ZDHHC15: variants seen among roughly 807,000 people sequenced by gnomAD.
ZDHHC15 encodes zDHHC palmitoyltransferase 15.
ZDHHC15 carries 19 observed loss-of-function variants against 31.7 expected under a neutral mutation model. The ratio of observed to expected loss-of-function variants is 0.60; its 90% confidence interval spans 0.42 to 0.88. ZDHHC15 has a LOEUF of 0.88. Ranked by LOEUF, ZDHHC15 falls within the 40% of genes least tolerant of loss-of-function variation. ZDHHC15 has a pLI of 0.00. For synonymous variants in ZDHHC15, 103 were observed against 90.0 expected, an observed-to-expected ratio of 1.14 and a Z score of -0.82; for missense variants, 209 against 251.2, an observed-to-expected ratio of 0.83 and a Z score of 1.14.
intron 1 of ZDHHC15, among the ~76,000 whole-genome samples, chrX:75,509,084 C>A (rs1189384877): frequency 7.2e-5 from 8 of 111,058 alleles, no homozygotes; most frequent in African/African-American, 2.0e-4. Context: ...AAAACCTAGG[C>A]AATACCATTC....
At chrX:75,452,009 A>T (rs931662708) in intron 3 of ZDHHC15, among the ~76,000 whole-genome samples, 10 of 111,323 alleles carry the variant, frequency 9.0e-5, no homozygotes, top group African/African-American at 3.3e-4. Flanking sequence ...TCATAATGAC[A>T]GGATCAAATT....
chrX:75,449,168 T>A lies in ZDHHC15; in HGVS notation c.379+1634A>T, dbSNP rs1172554934. ...GGGACTTCTCAGGTTCCATAATCATTTGCTGATTCCTCATAATCTCTCTCT... is the reference window on the plus strand; with the variant it reads ...GGGACTTCTCAGGTTCCATAATCATATGCTGATTCCTCATAATCTCTCTCT... On this transcript the variant is annotated intron_variant, in intron 4 of 11. Transcript: ENST00000373367. 6.7e-5 allele frequency among the ~76,000 whole-genome samples: 7 copies of A among 105,023 alleles called. No homozygotes were observed. The East Asian group carries it at 2.2e-3, about 33-fold the overall frequency. The allele number at this position is 105,023 out of a possible 115,157, so 91.2% of individuals were successfully genotyped here.
chrX:75,495,236 A>G (rs946115552), intron 2 of ZDHHC15, among the ~76,000 whole-genome samples: 6 of 112,064 alleles, frequency 5.4e-5, no homozygotes, highest in African/African-American at 1.6e-4. Flanking sequence ...ATGAGATACT[A>G]TCTCACACCA....
rs1251007508 is a variant in ZDHHC15 at position 75,504,396 on chromosome X, T to C, written c.163+1425A>G. On this transcript the variant is annotated intron_variant, in intron 2 of 11. Transcript: ENST00000373367. ...GCAGTATAATTTGAAACCTATTACATAGAATTGTGAAAATATAATTTGAAG... is the reference window on the plus strand; with the variant it reads ...GCAGTATAATTTGAAACCTATTACACAGAATTGTGAAAATATAATTTGAAG... Among the ~76,000 whole-genome samples the C allele has an allele frequency of 3.6e-5, 4 of 111,910 alleles. 1 individual carries two copies. Among genetic ancestry groups the C allele is most frequent in the Non-Finnish European group, 7.5e-5 (4 of 53,095 alleles).
At chrX:75,440,272 T>C (rs2083920338) in intron 4 of ZDHHC15, among the ~76,000 whole-genome samples, 1 of 44,436 alleles carries the variant, frequency 2.3e-5, no homozygotes, top group African/African-American at 4.4e-5. Flanking sequence ...TTTTTTCTTT[T>C]TTCTTTTCCT....
intron 4 of ZDHHC15, among the ~76,000 whole-genome samples, chrX:75,432,863 G>A (rs1038125404): frequency 2.7e-5 from 3 of 110,924 alleles, no homozygotes; most frequent in African/African-American, 9.9e-5. Context: ...GTGCACTTGT[G>A]GCCTCAGCTA....
At position 75,481,243 on chromosome X, in the gene ZDHHC15, G is replaced by T. The variant is rs541933885; in HGVS notation, c.164-2258C>A. 2.7e-5 allele frequency among the ~76,000 whole-genome samples: 3 copies of T among 111,674 alleles called. No homozygotes were observed. In the South Asian group the frequency reaches 1.1e-3, roughly 42 times the overall value. ...GTGTGAAATCTTTGATTTTTAAAGA[G>T]ATCAGGAGAAAACAATTTCATGTTT... On this transcript the variant is annotated intron_variant, in intron 2 of 11. Transcript: ENST00000373367.
intron 10 of ZDHHC15, chrX:75,384,862 C>G (rs2083163319): frequency 5.7e-6 from 3 of 528,239 alleles, no homozygotes; most frequent in Middle Eastern, 5.1e-4. Flanking sequence ...GACATCTGGG[C>G]TGTAAAAAAA....
At chrX:75,377,637 TA>T (rs2083074468) in intron 11 of ZDHHC15, among the ~76,000 whole-genome samples, 3 of 110,886 alleles carry the variant, frequency 2.7e-5, no homozygotes, top group African/African-American at 9.8e-5. Flanking sequence ...GGGAAGTATA[TA>T]AAAAATGCAT....
chrX:75,401,263 A>G (rs887157834), intron 10 of ZDHHC15, among the ~76,000 whole-genome samples: 1 of 111,298 alleles, frequency 9.0e-6, no homozygotes, highest in Non-Finnish European at 1.9e-5. Flanking sequence ...TCCAAAAAAA[A>G]AAAAAGAAAA....
intron 3 of ZDHHC15, among the ~76,000 whole-genome samples, chrX:75,471,498 G>C (rs183655439): frequency 2.9e-4 from 33 of 112,027 alleles, no homozygotes; most frequent in African/African-American, 1.0e-3. Context: ...GGTTCCAGTG[G>C]TGTGAGGCCG....
chrX:75,452,490 G>T (rs1359103966), intron 3 of ZDHHC15, among the ~76,000 whole-genome samples: 1 of 110,835 alleles, frequency 9.0e-6, no homozygotes, highest in Non-Finnish European at 1.9e-5. Context: ...TGAGACAGAA[G>T]GTTAACAAGG....
intron 10 of ZDHHC15, among the ~76,000 whole-genome samples, chrX:75,410,240 C>T (rs1448825554): frequency 9.0e-6 from 1 of 111,069 alleles, no homozygotes; most frequent in Non-Finnish European, 1.9e-5. Context: ...AGCTTCTGCA[C>T]AGCAAAGAAA....
intron 4 of ZDHHC15, among the ~76,000 whole-genome samples, chrX:75,434,692 C>T (rs754397219): frequency 1.2e-3 from 137 of 112,060 alleles, no homozygotes; most frequent in African/African-American, 4.1e-3. Flanking sequence ...TTCCATTGGT[C>T]TATGCACCTA....
At chrX:75,425,299 AGTT>A (rs765022397) in intron 7 of ZDHHC15, among the ~76,000 whole-genome samples, 6 of 111,655 alleles carry the variant, frequency 5.4e-5, no homozygotes, top group East Asian at 2.8e-4. Context: ...CTGATTTTAA[AGTT>A]GTTGTAGATT....
chrX:75,424,659 G>A lies in ZDHHC15; in HGVS notation c.729C>T (p.Thr243=). 8.3e-7 allele frequency: 1 copy of A among 1,202,588 alleles called. No homozygotes were observed. Among genetic ancestry groups the A allele is most frequent in the Non-Finnish European group, 1.1e-6 (1 of 892,081 alleles). Residue 243 remains threonine (T), a synonymous_variant, in exon 8 of 12, where the codon ACC becomes ACT. Transcript: ENST00000373367. ...CTTAATATTCAGTCTTACCTAAGGT[G>A]GTTTTGTTTCTGCTGACAAGCCAAC... The part of the protein sequence containing the change: ...YHCWLVSRNK[T]TLEAFCTPVF...
rs182003755 is a variant in ZDHHC15 at position 75,453,131 on chromosome X, C to T, written c.259-2209G>A. ...TGAAAAGATCAACAAAAGTGATAGACTGCTAGACTGCTAGCAAGACTAATA... is the reference window on the plus strand; with the variant it reads ...TGAAAAGATCAACAAAAGTGATAGATTGCTAGACTGCTAGCAAGACTAATA... On this transcript the variant is annotated intron_variant, in intron 3 of 11. Transcript: ENST00000373367. 7.8e-3 allele frequency among the ~76,000 whole-genome samples: 871 copies of T among 110,997 alleles called. 11 individuals are homozygous for T. The highest frequency in any genetic ancestry group is 0.026 in the African/African-American group (802 of 30,672).
chrX:75,370,523 C>CTTTTTTTTTTTTTTTTTTTTTGT lies in ZDHHC15; in HGVS notation c.*2454_*2455insACAAAAAAAAAAAAAAAAAAAAA, dbSNP rs2082995582. On this transcript the variant is annotated 3_prime_UTR_variant, in exon 12 of 12. Transcript: ENST00000373367. ...CCTGGTAAAACCCTGATTTATTTGG[C>CTTTTTTTTTTTTTTTTTTTTTGT]TTTTTTTTTTTTTTTTTTTTTTTTT... The CTTTTTTTTTTTTTTTTTTTTTGT allele has an allele frequency of 1.2e-5, 1 of 81,287 alleles. No homozygotes were observed. The highest frequency in any genetic ancestry group is 2.3e-5 in the Non-Finnish European group (1 of 44,253). 6.7% of individuals were successfully genotyped at this position (81,287 alleles called of 1,213,427 possible). A position where few individuals can be genotyped will look rare whatever the true frequency, so the allele number is the denominator to read the frequency against.
chrX:75,384,098 C>T (rs907916606), intron 10 of ZDHHC15, among the ~76,000 whole-genome samples: 1 of 111,198 alleles, frequency 9.0e-6, no homozygotes, highest in Non-Finnish European at 1.9e-5. Flanking sequence ...ACTTGGTCAA[C>T]CAGACAGCCA....
Sources: gnomAD v4.1 joint callset for allele counts (sites outside exome capture counted in the v4.1 genomes callset) on GRCh38, gnomAD v4.1.1 for gene constraint, MANE v1.5 for transcripts, NCBI Gene and HGNC (gene_info 2026-07-23, HGNC 2026-07-21) for gene names.